ITPRID1: variants seen among roughly 807,000 people sequenced by gnomAD.
ITPRID1 encodes protein ITPRID1.
Under a neutral mutation model 95.4 loss-of-function variants are expected in ITPRID1, and 96 were observed. That is an observed-to-expected ratio of 1.01 (90% CI 0.85 to 1.19). ITPRID1 has a LOEUF of 1.19. Ranked by LOEUF, ITPRID1 falls within the 50% of genes most tolerant of loss-of-function variation. ITPRID1 has a pLI of 0.00. For missense variants in ITPRID1, 1,339 were observed against 1,252.9 expected, an observed-to-expected ratio of 1.07 and a Z score of -1.04; for synonymous variants, 510 against 453.6, an observed-to-expected ratio of 1.12 and a Z score of -1.58.
At chr7:31,624,372 T>C (rs1191213595) in intron 10 of ITPRID1, among the ~76,000 whole-genome samples, 323 of 146,104 alleles carry the variant, frequency 2.2e-3, no homozygotes, top group African/African-American at 7.9e-3. Flanking sequence ...CTTCAAACTA[T>C]ACTACAAGGC....
chr7:31,521,620 C>CCT (rs1783254246), intron 1 of ITPRID1, among the ~76,000 whole-genome samples: 1,696 of 69,754 alleles, frequency 0.024, 100 homozygotes, highest in Admixed American at 0.055. Context: ...TCTCCTTTCC[C>CCT]TCCTTCCTTC....
chr7:31,544,557 A>T (rs747811464), intron 1 of ITPRID1, among the ~76,000 whole-genome samples: 1 of 152,020 alleles, frequency 6.6e-6, no homozygotes, highest in African/African-American at 2.4e-5. Context: ...AGCTTTTTTT[A>T]TACCCCCCTC....
intron 10 of ITPRID1, among the ~76,000 whole-genome samples, chr7:31,596,825 T>C (rs956312821): frequency 6.6e-6 from 1 of 151,706 alleles, no homozygotes; most frequent in Non-Finnish European, 1.5e-5. Flanking sequence ...TTAAGCTGAT[T>C]AGTTTTTACT....
In ITPRID1 at chr7:31,631,498, T is replaced by A. The variant is rs971182342; in HGVS notation, c.1229-10678T>A. Among the ~76,000 whole-genome samples, 3 of 152,364 alleles carry A rather than the reference T, an allele frequency of 2.0e-5. No homozygotes were observed. The East Asian group carries it at 5.8e-4, about 29-fold the overall frequency. On this transcript the variant is annotated intron_variant, in intron 10 of 14. Coordinates refer to ENST00000615280, the MANE Select transcript of ITPRID1 (RefSeq NM_001257967.3). ...ATGATCTTTATTTTTTATTTATGAT[T>A]TTTTATTTTTCCAAATTTTCTTTAC...
chr7:31,643,857 T>C lies in ITPRID1; in HGVS notation c.2487T>C (p.Cys829=). 1 of 1,613,942 alleles carries C rather than the reference T, an allele frequency of 6.2e-7. No individual in the cohort carries two copies. Among genetic ancestry groups the C allele is most frequent in the Non-Finnish European group, 8.5e-7 (1 of 1,179,890 alleles). The change falls in exon 12 of 15, where the codon TGT becomes TGC. Residue 829 remains cysteine (C), a synonymous_variant. Coordinates refer to ENST00000615280, the MANE Select transcript of ITPRID1 (RefSeq NM_001257967.3). ...RQSPGPEPSV[C]RHCLCSLTGH... ...GCCCTGGCCCTGAACCCTCAGTCTGTAGGCACTGCCTGTGTTCACTAACTG... is the reference window on the plus strand; with the variant it reads ...GCCCTGGCCCTGAACCCTCAGTCTGCAGGCACTGCCTGTGTTCACTAACTG...
At chr7:31,657,948 A>G (rs1392113699), downstream of ITPRID1, among the ~76,000 whole-genome samples, 1 of 152,214 alleles carries the variant, frequency 6.6e-6, no homozygotes, top group Admixed American at 6.5e-5. Flanking sequence ...ACATTAAAGC[A>G]CAGGATCCTA....
chr7:31,618,484 T>C (rs1787484388), intron 10 of ITPRID1, among the ~76,000 whole-genome samples: 1 of 152,150 alleles, frequency 6.6e-6, no homozygotes, highest in Admixed American at 6.5e-5. Flanking sequence ...AAATATTTCT[T>C]TCCTGATCCA....
At chr7:31,615,174 T>C (rs1267313135) in intron 10 of ITPRID1, among the ~76,000 whole-genome samples, 5 of 152,178 alleles carry the variant, frequency 3.3e-5, no homozygotes, top group Non-Finnish European at 7.3e-5. Flanking sequence ...GCTGAACACA[T>C]ACTGTAGATA....
rs538138828 is a variant in ITPRID1 at position 31,653,209 on chromosome 7, G to A, written c.*380G>A. 2.7e-5 allele frequency: 5 copies of A among 185,522 alleles called. No individual in the cohort carries two copies. In the South Asian group the frequency reaches 6.7e-4, roughly 25 times the overall value. The allele number at this position is 185,522 out of a possible 1,614,324, so 11.5% of individuals were successfully genotyped here. A position where few individuals can be genotyped will look rare whatever the true frequency, so the allele number is the denominator to read the frequency against. ...ATACACACCCAGAAGACAGGTCTGTGCCTTTCTCCAAAGATGATTTTGAGG... is the reference window on the plus strand; with the variant it reads ...ATACACACCCAGAAGACAGGTCTGTACCTTTCTCCAAAGATGATTTTGAGG... On this transcript the variant is annotated 3_prime_UTR_variant, in exon 15 of 15. Transcript: ENST00000615280.
At chr7:31,567,025 G>A (rs934527054) in intron 5 of ITPRID1, among the ~76,000 whole-genome samples, 3 of 152,038 alleles carry the variant, frequency 2.0e-5, no homozygotes, top group Non-Finnish European at 4.4e-5. Context: ...TATTATTGTG[G>A]AATTCCTATG....
rs141172213 is a variant in ITPRID1 at position 31,546,397 on chromosome 7, T to TTGTG, written c.-97-3012_-97-3009dup. ...AATTTTGCTTCAAAACAGAGAAATA[T>TTGTG]TGTGTGTGTGTGTGTGTGTGCGTGC... On this transcript the variant is annotated intron_variant, in intron 1 of 14. Coordinates refer to ENST00000615280, the MANE Select transcript of ITPRID1 (RefSeq NM_001257967.3). 8.9e-4 allele frequency among the ~76,000 whole-genome samples: 133 copies of TTGTG among 148,972 alleles called. 1 individual carries two copies. The highest frequency in any genetic ancestry group is 3.1e-3 in the East Asian group (16 of 5,098).
At chr7:31,604,623 T>G (rs565955250) in intron 10 of ITPRID1, among the ~76,000 whole-genome samples, 1 of 152,284 alleles carries the variant, frequency 6.6e-6, no homozygotes, top group Non-Finnish European at 1.5e-5. Context: ...AAGTTCAAAC[T>G]TAGTAATAAG....
intron 2 of ITPRID1, among the ~76,000 whole-genome samples, chr7:31,550,666 G>T (rs896418634): frequency 9.7e-6 from 1 of 102,664 alleles, no homozygotes; most frequent in Non-Finnish European, 2.5e-5. Context: ...GAACAAAAGA[G>T]GTTTTCTTTA....
At chr7:31,573,859 TA>T (rs1352275802) in intron 7 of ITPRID1, among the ~76,000 whole-genome samples, 1 of 150,320 alleles carries the variant, frequency 6.7e-6, no homozygotes, top group African/African-American at 2.4e-5. Flanking sequence ...CAAATCAAAT[TA>T]AAAATATATA....
chr7:31,549,457 A>C lies in ITPRID1; in HGVS notation c.-66A>C, dbSNP rs1235285922. 6.6e-7 allele frequency: 1 copy of C among 1,521,206 alleles called. No homozygotes were observed. The highest frequency in any genetic ancestry group is 8.8e-7 in the Non-Finnish European group (1 of 1,141,208). The allele number at this position is 1,521,206 out of a possible 1,614,324, so 94.2% of individuals were successfully genotyped here. On this transcript the variant is annotated 5_prime_UTR_variant, in exon 2 of 15. Coordinates refer to ENST00000615280, the MANE Select transcript of ITPRID1 (RefSeq NM_001257967.3). ...ACAGGATAAGGACAAGAAGCAACACACAGAAGAGAAGGAAAAAGAAAGAAA... is the reference window on the plus strand; with the variant it reads ...ACAGGATAAGGACAAGAAGCAACACCCAGAAGAGAAGGAAAAAGAAAGAAA...
intron 3 of ITPRID1, among the ~76,000 whole-genome samples, chr7:31,553,865 C>T (rs1400870019): frequency 6.6e-6 from 1 of 152,190 alleles, no homozygotes; most frequent in African/African-American, 2.4e-5. Context: ...ACAGGAAATG[C>T]TGCTTTACAT....
At chr7:31,521,713 T>C (rs200354117) in intron 1 of ITPRID1, among the ~76,000 whole-genome samples, 9 of 76,580 alleles carry the variant, frequency 1.2e-4, no homozygotes, top group Middle Eastern at 5.0e-3. Context: ...CTCCCTCCCT[T>C]CCTTCCTTCC....
At chr7:31,549,092 T>G (rs1338080276) in intron 1 of ITPRID1, among the ~76,000 whole-genome samples, 1 of 152,084 alleles carries the variant, frequency 6.6e-6, no homozygotes, top group African/African-American at 2.4e-5. Flanking sequence ...CTCGGGCTGT[T>G]CTCCCATTAT....
chr7:31,560,626 GAA>G (rs1784593043), intron 5 of ITPRID1, among the ~76,000 whole-genome samples: 1 of 152,266 alleles, frequency 6.6e-6, no homozygotes, highest in Non-Finnish European at 1.5e-5. Context: ...GGATATCAAA[GAA>G]AGAAGGAAAT....
Sources: allele counts gnomAD v4.1 joint callset (sites outside exome capture counted in the v4.1 genomes callset), GRCh38; gene constraint gnomAD v4.1.1; transcripts MANE v1.5; gene names NCBI Gene and HGNC (gene_info 2026-07-23, HGNC 2026-07-21).